Variants in IL4I1 observed in about 807,000 individuals in gnomAD.
The protein encoded by IL4I1 is L-amino-acid oxidase.
IL4I1 carries 24 observed loss-of-function variants against 29.7 expected under a neutral mutation model. The ratio of observed to expected loss-of-function variants is 0.81; its 90% CI spans 0.59 to 1.14. The LOEUF is 1.14. Among genes scored for constraint, IL4I1 ranks in the 50% most tolerant of loss-of-function variants. The pLI is 0.00. For missense variants in IL4I1, 686 were observed against 785.6 expected (o/e 0.87, Z 1.52); for synonymous variants, 371 against 352.5 (o/e 1.05, Z -0.59).
intron 2 of IL4I1, among the ~76,000 whole-genome samples, chr19:49,914,456 A>T (rs1301894346): frequency 6.6e-6 from 1 of 152,186 alleles, no homozygotes; most frequent in African/African-American, 2.4e-5. Context: ...TGAGGTCACC[A>T]AGGAAAGTGC....
At chr19:49,916,340 G>A (rs2122680940) in intron 2 of IL4I1, among the ~76,000 whole-genome samples, 1 of 151,686 alleles carries the variant, frequency 6.6e-6, no homozygotes, top group South Asian at 2.1e-4. Context: ...TGGCCAACAT[G>A]GTGTATCTTT....
chr19:49,908,372 T>A lies in IL4I1; in HGVS notation c.-227-4051A>T. On this transcript the variant is annotated intron_variant, in intron 2 of 9. Transcript: ENST00000341114. ...CCACTGCAGTGAGTCCATGTGCGCATTGAGGATCTTGCAGATCTGCTGCAG... is the reference window on the plus strand; with the variant it reads ...CCACTGCAGTGAGTCCATGTGCGCAATGAGGATCTTGCAGATCTGCTGCAG... 1 of 1,614,198 alleles carries A rather than the reference T, an allele frequency of 6.2e-7. No homozygotes were observed. The highest frequency in any genetic ancestry group is 2.2e-5 in the East Asian group (1 of 44,890).
At chr19:49,892,172 C>T (rs2075148487) in intron 5 of IL4I1, among the ~76,000 whole-genome samples, 1 of 150,858 alleles carries the variant, frequency 6.6e-6, no homozygotes, top group Admixed American at 6.7e-5. Context: ...ACCTCTGCCT[C>T]CCAGGTTCAA....
Position 49,920,143 on chromosome 19 carries a change from C to T in IL4I1, c.-228+7551G>A, listed in dbSNP as rs10401432. Among the ~76,000 whole-genome samples the T allele has an allele frequency of 0.014, 2,186 of 151,998 alleles. 91 individuals carry two copies. In the East Asian group the frequency reaches 0.18, roughly 12 times the overall value. On this transcript the variant is annotated intron_variant, in intron 2 of 9. Transcript: ENST00000341114. ...CTGTCATCAGGCTGGAGTGCAGTGG[C>T]GTGATCTCAGCTCATCGCAACCTCT...
Position 49,889,817 on chromosome 19 carries a change from C to G in IL4I1, c.1557G>C (p.Gly519=), listed in dbSNP as rs765567347. The G allele has an allele frequency of 4.5e-6, 7 of 1,552,570 alleles. No homozygotes were observed. Among genetic ancestry groups the G allele is most frequent in the Non-Finnish European group, 6.1e-6 (7 of 1,148,866 alleles). Residue 519 remains glycine, a synonymous_variant, in exon 8 of 8, where the codon GGG becomes GGC. Coordinates refer to ENST00000391826, the MANE Select transcript of IL4I1 (RefSeq NM_152899.2). ...GPASDTASPE[G]HASDMEGQGH... ...CCTGCCCCTCCATGTCAGATGCGTG[C>G]CCCTCGGGGCTGGCCGTGTCCGATG...
intron 2 of IL4I1, chr19:49,909,636 C>G (rs755566695): frequency 6.2e-7 from 1 of 1,614,086 alleles, no homozygotes. Context: ...GAGAACAGGC[C>G]GGTGGAAGGG....
In IL4I1 at chr19:49,895,723, C is replaced by G. The variant is rs373049740; in HGVS notation, c.252+92G>C. On this transcript the variant is annotated intron_variant, in intron 3 of 7. Transcript: ENST00000391826. ...TCCCCCCACATCCCCACCTCCACCC[C>G]CTCAAGGAGGAACGCGGCCGTGTCC... The G allele has an allele frequency of 4.1e-4, 474 of 1,146,926 alleles. 2 individuals carry two copies. In the East Asian group the frequency reaches 0.011, roughly 27 times the overall value. The allele number at this position is 1,146,926 out of a possible 1,614,324, so 71.0% of individuals were successfully genotyped here.
chr19:49,901,459 C>T (rs1330925180), upstream of IL4I1, among the ~76,000 whole-genome samples: 1 of 152,166 alleles, frequency 6.6e-6, no homozygotes, highest in African/African-American at 2.4e-5. Flanking sequence ...AGGGGATGAC[C>T]TGGGACCTGG....
rs558862694 is a variant in IL4I1 at position 49,890,942 on chromosome 19, C to G, written c.773+29G>C. ...CTTTCCCTGATTGCCCCCCGCCCCC[C>G]CCCCCTGCCCGCCAGCCCCGCCCCT... On this transcript the variant is annotated intron_variant, in intron 7 of 7. Coordinates refer to ENST00000391826, the MANE Select transcript of IL4I1 (RefSeq NM_152899.2). 84 of 535,860 alleles carry G rather than the reference C, an allele frequency of 1.6e-4. 2 individuals carry two copies. Among genetic ancestry groups the G allele is most frequent in the African/African-American group, 1.2e-3 (40 of 32,478 alleles). 33.2% of individuals were successfully genotyped at this position (535,860 alleles called of 1,614,324 possible). A position where few individuals can be genotyped will look rare whatever the true frequency, so the allele number is the denominator to read the frequency against.
intron 2 of IL4I1, among the ~76,000 whole-genome samples, chr19:49,924,562 C>T (rs757206375): frequency 2.0e-5 from 3 of 152,222 alleles, no homozygotes; most frequent in Non-Finnish European, 2.9e-5. Context: ...GTAGCCCCAC[C>T]CTTGCTTCAA....
chr19:49,924,413 C>T (rs1042645093), intron 2 of IL4I1, among the ~76,000 whole-genome samples: 7 of 152,174 alleles, frequency 4.6e-5, no homozygotes, highest in South Asian at 2.1e-4. Context: ...TAACCGGGAG[C>T]GGTTGCCAGG....
upstream of IL4I1, among the ~76,000 whole-genome samples, chr19:49,901,368 A>T (rs2075270594): frequency 4.6e-5 from 7 of 152,236 alleles, no homozygotes; most frequent in Admixed American, 3.3e-4. Context: ...TGGGCTACAG[A>T]GCGAGACTCT....
chr19:49,894,570 GACCAGCATGA>G, intron 4 of IL4I1, 101 bp from the exon 5 acceptor site: 1 of 553,388 alleles, frequency 1.8e-6, no homozygotes, highest in East Asian at 4.8e-5. Context: ...AGTAGCTGGG[GACCAGCATGA>G]GGCTGGGGGT....
At chr19:49,909,425 G>A in intron 2 of IL4I1, 1 of 1,613,964 alleles carries the variant, frequency 6.2e-7, no homozygotes, top group Non-Finnish European at 8.5e-7. Flanking sequence ...GGAGGTGACG[G>A]TGCTCGATAT....
intron 2 of IL4I1, among the ~76,000 whole-genome samples, chr19:49,917,057 C>T (rs569458629): frequency 6.6e-6 from 1 of 152,380 alleles, no homozygotes; most frequent in Admixed American, 6.5e-5. Flanking sequence ...CGTGGGACCT[C>T]CCCTTTCCCC....
chr19:49,908,565 T>G (rs2075375875), intron 2 of IL4I1: 1 of 1,614,196 alleles, frequency 6.2e-7, no homozygotes, highest in East Asian at 2.2e-5. Flanking sequence ...CTCTGCTCCT[T>G]GACCAACTCC....
chr19:49,891,207 G>T, intron 6 of IL4I1, 100 bp from the exon 7 acceptor site: 2 of 1,520,736 alleles, frequency 1.3e-6, no homozygotes, highest in South Asian at 1.2e-5. Flanking sequence ...CATGTCCTTG[G>T]ACCGTAGGAT....
At chr19:49,898,096 G>A (rs1384910989), upstream of IL4I1, among the ~76,000 whole-genome samples, 2 of 152,202 alleles carry the variant, frequency 1.3e-5, no homozygotes, top group Non-Finnish European at 2.9e-5. Flanking sequence ...CGAGGCAGGC[G>A]GATCACCTGA....
chr19:49,913,855 T>TA (rs745740917), intron 2 of IL4I1, among the ~76,000 whole-genome samples: 75 of 151,960 alleles, frequency 4.9e-4, no homozygotes, highest in Non-Finnish European at 8.7e-4. Context: ...GTTCGGGCGT[T>TA]ATATTGAGGG....
Sources: allele counts gnomAD v4.1 joint callset (sites outside exome capture counted in the v4.1 genomes callset), GRCh38; gene constraint gnomAD v4.1.1; transcripts MANE v1.5; gene names NCBI Gene and HGNC (gene_info 2026-07-23, HGNC 2026-07-21).